PPARG: variants seen among roughly 807,000 people sequenced by gnomAD.
PPARG encodes the protein peroxisome proliferator-activated receptor gamma.
Under a neutral mutation model 39.2 loss-of-function variants are expected in PPARG, and 17 were observed. The ratio of observed to expected loss-of-function variants is 0.43; its 90% CI spans 0.30 to 0.65. The LOEUF (loss-of-function observed/expected upper bound fraction) is 0.65, where lower values mean the gene tolerates loss of function less well. PPARG is among the 30% of genes least tolerant of loss of function. The pLI is 0.13. For missense variants in PPARG, 406 were observed against 585.9 expected (o/e 0.69, Z 3.17); for synonymous variants, 223 against 215.7 (o/e 1.03, Z -0.30).
At position 12,305,273 on chromosome 3, in the gene PPARG, A is replaced by C. The variant is rs185386394; in HGVS notation, c.-82-7107A>C. 2.0e-5 allele frequency among the ~76,000 whole-genome samples: 3 copies of C among 152,322 alleles called. No homozygotes were observed. In the East Asian group the frequency reaches 5.8e-4, roughly 29 times the overall value. On this transcript the variant is annotated intron_variant, in intron 1 of 7. Coordinates refer to ENST00000651735, the MANE Select transcript of PPARG (RefSeq NM_138711.6). ...AAGTATATTTTTATCTACTAAACAC[A>C]TGATCAAATAGGGATTTTTTATTCT...
rs2051063532 is a variant in PPARG at position 12,416,571 on chromosome 3, A to G, written c.730-133A>G. 4.8e-6 allele frequency: 4 copies of G among 833,428 alleles called. No individual in the cohort carries two copies. The African/African-American group carries it at 6.8e-5, about 14-fold the overall frequency. The allele number at this position is 833,428 out of a possible 1,614,324, so 51.6% of individuals were successfully genotyped here. ...AAGAACTTGAGAGTATTTTCTCATT[A>G]TTAAGCATCTTCAGCTTTAAAGATT... On this transcript the variant is annotated intron_variant, in intron 6 of 7. Coordinates refer to ENST00000651735, the MANE Select transcript of PPARG (RefSeq NM_138711.6).
In PPARG at chr3:12,337,836, CAT is replaced by C. The variant is rs2048058380; in HGVS notation, c.-9+25385_-9+25386del. Among the ~76,000 whole-genome samples the C allele has an allele frequency of 2.0e-5, 3 of 152,264 alleles. No individual in the cohort carries two copies. The South Asian group carries it at 6.2e-4, about 32-fold the overall frequency. On this transcript the variant is annotated intron_variant, in intron 2 of 7. Transcript: ENST00000651735. ...AAAATACGGTATAAACAACTATTTA[CAT>C]AGCATTACATTGTATTAGTTATTAT...
intron 2 of PPARG, among the ~76,000 whole-genome samples, chr3:12,354,089 T>A (rs905134542): frequency 2.0e-5 from 3 of 152,194 alleles, no homozygotes; most frequent in African/African-American, 7.2e-5. Flanking sequence ...AGTGATTGAT[T>A]GCATGCCATT....
intron 2 of PPARG, among the ~76,000 whole-genome samples, chr3:12,344,113 G>A (rs1186533785): frequency 2.6e-5 from 4 of 151,896 alleles, no homozygotes; most frequent in Non-Finnish European, 4.4e-5. Context: ...CACCCACCTC[G>A]GCTTCCCAAA....
At chr3:12,357,575 C>T (rs1381419359) in intron 2 of PPARG, among the ~76,000 whole-genome samples, 1 of 152,160 alleles carries the variant, frequency 6.6e-6, no homozygotes, top group Non-Finnish European at 1.5e-5. Context: ...AAGCATTTAT[C>T]GTCTTCTAAC....
At chr3:12,411,527 G>A (rs2050879265) in intron 6 of PPARG, among the ~76,000 whole-genome samples, 1 of 152,038 alleles carries the variant, frequency 6.6e-6, no homozygotes, top group African/African-American at 2.4e-5. Context: ...GTTCATCCTA[G>A]AACAATCATT....
chr3:12,432,388 A>G (rs2051691362), intron 7 of PPARG, among the ~76,000 whole-genome samples: 1 of 151,778 alleles, frequency 6.6e-6, no homozygotes, highest in Non-Finnish European at 1.5e-5. Flanking sequence ...ATAACTCTTC[A>G]GATATCATAG....
At position 12,331,796 on chromosome 3, in the gene PPARG, T is replaced by C. The variant is rs373238078; in HGVS notation, c.-9+19343T>C. On this transcript the variant is annotated intron_variant, in intron 2 of 7. Coordinates refer to ENST00000651735, the MANE Select transcript of PPARG (RefSeq NM_138711.6). ...AATTATGACTCCCTGTTTTTGGCAA[T>C]GATCAGCTGGGAGATTGGTGGCAGC... 6.3e-4 allele frequency among the ~76,000 whole-genome samples: 96 copies of C among 152,312 alleles called. 2 individuals carry two copies. The South Asian group carries it at 0.02, about 31-fold the overall frequency.
intron 2 of PPARG, among the ~76,000 whole-genome samples, chr3:12,351,178 A>G (rs1271242202): frequency 6.6e-6 from 1 of 152,206 alleles, no homozygotes; most frequent in African/African-American, 2.4e-5. Flanking sequence ...TTAAGAAGCA[A>G]TTGTGAATTT....
At chr3:12,412,552 A>G (rs2050912621) in intron 6 of PPARG, among the ~76,000 whole-genome samples, 2 of 152,178 alleles carry the variant, frequency 1.3e-5, no homozygotes, top group Admixed American at 6.5e-5. Context: ...TCCTTACAGA[A>G]ATCATTTTGC....
At position 12,358,079 on chromosome 3, in the gene PPARG, G is replaced by A. The variant is rs769234952; in HGVS notation, c.-8-21625G>A. On this transcript the variant is annotated intron_variant, in intron 2 of 7. Transcript: ENST00000651735. The stretch of plus-strand genomic sequence containing the variant: ...AAGTACTGGATATGCTACAAACCAG[G>A]CACAAATATGTTTTGAATTATCTGT... Among the ~76,000 whole-genome samples the A allele has an allele frequency of 1.1e-3, 173 of 152,208 alleles. 1 individual carries two copies. Among genetic ancestry groups the A allele is most frequent in the Non-Finnish European group, 2.0e-3 (136 of 67,996 alleles).
At chr3:12,298,286 G>C (rs1171423098) in intron 1 of PPARG, among the ~76,000 whole-genome samples, 5 of 100,482 alleles carry the variant, frequency 5.0e-5, no homozygotes, top group Non-Finnish European at 8.9e-5. Flanking sequence ...GCGACAGAGC[G>C]AGACTCTGTC....
chr3:12,430,709 G>T (rs1341739098), intron 7 of PPARG, among the ~76,000 whole-genome samples: 3 of 152,144 alleles, frequency 2.0e-5, no homozygotes, highest in African/African-American at 7.2e-5. Context: ...CCCAGAGAAA[G>T]GAGATGAGAT....
chr3:12,341,995 T>C (rs2048196217), intron 2 of PPARG, among the ~76,000 whole-genome samples: 1 of 152,310 alleles, frequency 6.6e-6, no homozygotes, highest in South Asian at 2.1e-4. Flanking sequence ...ACTGTCTAAT[T>C]GAAGGAGAAA....
rs2051125739 is a variant in PPARG, at chr3:12,417,888, CTTTTTTTTTTTTCCTTTTTTT to C, written c.1180+747_1180+767del. 5.3e-4 allele frequency among the ~76,000 whole-genome samples: 34 copies of C among 64,062 alleles called. No homozygotes were observed. In the South Asian group the frequency reaches 0.011, roughly 20 times the overall value. 42.0% of individuals were successfully genotyped at this position (64,062 alleles called of 152,430 possible). ...AGTGTGACTTTTTTCTTTTTTTTTT[CTTTTTTTTTTTTCCTTTTTTT>C]TTTTTTTTTTTTTTTTGTGAGACAG... On this transcript the variant is annotated intron_variant, in intron 7 of 7. Coordinates refer to ENST00000651735, the MANE Select transcript of PPARG (RefSeq NM_138711.6).
intron 2 of PPARG, among the ~76,000 whole-genome samples, chr3:12,334,257 G>A (rs1265165237): frequency 6.0e-5 from 9 of 149,132 alleles, no homozygotes; most frequent in Admixed American, 4.7e-4. Context: ...TTGAGACAGA[G>A]TCTTGCTCTG....
At chr3:12,392,786 T>C (rs1161651321) in intron 5 of PPARG, 34 bp downstream of exon 5, 4 of 1,612,602 alleles carry the variant, frequency 2.5e-6, no homozygotes, top group African/African-American at 2.7e-5. Flanking sequence ...TACTTTATTA[T>C]TCTCATTATA....
In PPARG at chr3:12,429,612, G is replaced by A. The variant is rs1328088852; in HGVS notation, c.1181-4286G>A. ...GAAGGAGGAGCTGCAGAAAGGCTCCGGGAGCCAGTGTCTAGTAAGCAGAGG... is the reference window on the plus strand; with the variant it reads ...GAAGGAGGAGCTGCAGAAAGGCTCCAGGAGCCAGTGTCTAGTAAGCAGAGG... On this transcript the variant is annotated intron_variant, in intron 7 of 7. Coordinates refer to ENST00000651735, the MANE Select transcript of PPARG (RefSeq NM_138711.6). Among the ~76,000 whole-genome samples, 4 of 151,460 alleles carry A rather than the reference G, an allele frequency of 2.6e-5. No homozygotes were observed. The South Asian group carries it at 8.4e-4, about 32-fold the overall frequency.
chr3:12,368,259 G>A lies in PPARG; in HGVS notation c.-8-11445G>A, dbSNP rs1430817397. 4.2e-5 allele frequency among the ~76,000 whole-genome samples: 6 copies of A among 143,154 alleles called. No homozygotes were observed. In the East Asian group the frequency reaches 8.3e-4, roughly 20 times the overall value. The allele number at this position is 143,154 out of a possible 152,430, so 93.9% of individuals were successfully genotyped here. A position where few individuals can be genotyped will look rare whatever the true frequency, so the allele number is the denominator to read the frequency against. ...TGCACTGGCATGAACTCGGCTCACT[G>A]CAACCTCCATCTCCCGAGTTCAAGT... On this transcript the variant is annotated intron_variant, in intron 2 of 7. Coordinates refer to ENST00000651735, the MANE Select transcript of PPARG (RefSeq NM_138711.6).
Sources: allele counts gnomAD v4.1 joint callset (sites outside exome capture counted in the v4.1 genomes callset), GRCh38; gene constraint gnomAD v4.1.1; transcripts MANE v1.5; gene names NCBI Gene and HGNC (gene_info 2026-07-23, HGNC 2026-07-21).